AGBL4: variants seen among roughly 807,000 people sequenced by gnomAD.
AGBL4 encodes AGBL carboxypeptidase 4, also known as cytosolic carboxypeptidase 6.
A neutral mutation model predicts 66.4 loss-of-function variants in AGBL4; 58 were observed. The observed-to-expected ratio is 0.87, with a 90% CI of 0.71 to 1.09. The LOEUF (loss-of-function observed/expected upper bound fraction) is 1.09, where lower values mean the gene tolerates loss of function less well. Ranked by LOEUF, AGBL4 falls within the 50% of genes least tolerant of loss-of-function variation. The pLI is 0.00. For missense variants in AGBL4, 579 were observed against 631.0 expected (o/e 0.92, Z 0.88); for synonymous variants, 234 against 222.9 (o/e 1.05, Z -0.44).
intron 1 of AGBL4, among the ~76,000 whole-genome samples, chr1:49,949,968 AT>A (rs1299468786): frequency 2.7e-5 from 4 of 147,176 alleles, no homozygotes; most frequent in African/African-American, 9.9e-5. Context: ...CCATATATAT[AT>A]ATATACACAC....
At chr1:48,575,667 T>C (rs554375627) in intron 11 of AGBL4, among the ~76,000 whole-genome samples, 18 of 152,310 alleles carry the variant, frequency 1.2e-4, no homozygotes, top group Non-Finnish European at 2.4e-4. Context: ...CTTTGCTCCC[T>C]TCTCATCCTT....
intron 1 of AGBL4, among the ~76,000 whole-genome samples, chr1:49,860,614 A>T (rs1571733847): frequency 6.6e-6 from 1 of 152,008 alleles, no homozygotes; most frequent in Non-Finnish European, 1.5e-5. Flanking sequence ...TGGAAGAATC[A>T]CCTCAGCCCA....
intron 3 of AGBL4, among the ~76,000 whole-genome samples, chr1:49,438,827 TG>T (rs977401949): frequency 4.6e-5 from 7 of 152,156 alleles, no homozygotes; most frequent in African/African-American, 1.7e-4. Context: ...CTGAGTAATT[TG>T]CAATAAACAG....
intron 3 of AGBL4, among the ~76,000 whole-genome samples, chr1:49,379,590 C>G (rs7537888): frequency 0.015 from 2,303 of 151,810 alleles, 69 homozygotes; most frequent in African/African-American, 0.053. Flanking sequence ...TAGCATGAAG[C>G]GTTGTTGAAT....
chr1:48,779,079 A>G (rs556211608), intron 6 of AGBL4, among the ~76,000 whole-genome samples: 4 of 152,320 alleles, frequency 2.6e-5, no homozygotes, highest in East Asian at 3.9e-4. Context: ...ATACATTCCT[A>G]TGGTGGTCAA....
intron 3 of AGBL4, among the ~76,000 whole-genome samples, chr1:49,688,725 C>G (rs1004486187): frequency 1.3e-5 from 2 of 152,052 alleles, no homozygotes; most frequent in African/African-American, 4.8e-5. Flanking sequence ...TCCATATCCT[C>G]GCCAGCATTT....
chr1:49,806,228 T>A (rs1232561326), intron 2 of AGBL4, among the ~76,000 whole-genome samples: 1 of 152,194 alleles, frequency 6.6e-6, no homozygotes, highest in Non-Finnish European at 1.5e-5. Context: ...GGTAGAAATA[T>A]GGATGGCAAA....
At position 48,967,003 on chromosome 1, in the gene AGBL4, T is replaced by C. The variant is rs138749419; in HGVS notation, c.594+78581A>G. 2.2e-3 allele frequency among the ~76,000 whole-genome samples: 341 copies of C among 151,796 alleles called. 2 individuals are homozygous for C. The highest frequency in any genetic ancestry group is 8.0e-3 in the African/African-American group (331 of 41,310). On this transcript the variant is annotated intron_variant, in intron 5 of 13. Transcript: ENST00000371839. The stretch of plus-strand genomic sequence containing the variant: ...AGGGTGGGTCTCAAAAAGAGAGCCA[T>C]ATTGTAGTGTTCGGTTTACATTTTT...
intron 1 of AGBL4, among the ~76,000 whole-genome samples, chr1:49,864,942 G>A (rs1041274179): frequency 1.3e-5 from 2 of 152,126 alleles, no homozygotes; most frequent in African/African-American, 4.8e-5. Context: ...GGGCAAATTG[G>A]ACCCAGGAGG....
intron 3 of AGBL4, among the ~76,000 whole-genome samples, chr1:49,518,870 T>C (rs1035142178): frequency 3.3e-5 from 5 of 152,090 alleles, no homozygotes; most frequent in Non-Finnish European, 7.4e-5. Flanking sequence ...TACAGATCAT[T>C]TGGAGATTCA....
chr1:49,891,974 C>T (rs1234626740), intron 1 of AGBL4, among the ~76,000 whole-genome samples: 3 of 152,096 alleles, frequency 2.0e-5, no homozygotes, highest in Non-Finnish European at 2.9e-5. Flanking sequence ...CTGGATAAGA[C>T]GGCAGCTGAG....
At chr1:49,673,093 T>C (rs1646513360) in intron 3 of AGBL4, among the ~76,000 whole-genome samples, 1 of 152,148 alleles carries the variant, frequency 6.6e-6, no homozygotes, top group South Asian at 2.1e-4. Context: ...CACATGAAAC[T>C]AATAATTCAT....
rs576868082 is a variant in AGBL4 at position 48,943,442 on chromosome 1, A to G, written c.595-76212T>C. On this transcript the variant is annotated intron_variant, in intron 5 of 13. Transcript: ENST00000371839. The stretch of plus-strand genomic sequence containing the variant: ...AAGGTTGAGATCTTTCAAGACTACA[A>G]TGGCTATTTAAAGGTATTTCAGTTA... Among the ~76,000 whole-genome samples the G allele has an allele frequency of 1.4e-4, 22 of 152,300 alleles. No individual in the cohort carries two copies. The South Asian group carries it at 4.1e-3, about 29-fold the overall frequency.
At chr1:49,167,371 A>G (rs1269528259) in intron 4 of AGBL4, among the ~76,000 whole-genome samples, 2 of 152,124 alleles carry the variant, frequency 1.3e-5, no homozygotes, top group Non-Finnish European at 2.9e-5. Flanking sequence ...CTACTTCTCT[A>G]TCTGACAGAA....
intron 3 of AGBL4, among the ~76,000 whole-genome samples, chr1:49,661,727 T>C (rs1646273341): frequency 6.6e-6 from 1 of 152,156 alleles, no homozygotes; most frequent in Admixed American, 6.6e-5. Context: ...TTGTACACTG[T>C]TGGTGGGAAT....
At chr1:49,856,894 G>A (rs1646447542) in intron 1 of AGBL4, among the ~76,000 whole-genome samples, 1 of 151,828 alleles carries the variant, frequency 6.6e-6, no homozygotes, top group Non-Finnish European at 1.5e-5. Flanking sequence ...TAGGCAAGAG[G>A]GGAAAAGAGA....
chr1:48,657,990 T>A (rs72901150), intron 7 of AGBL4, among the ~76,000 whole-genome samples: 1,932 of 152,304 alleles, frequency 0.013, 18 homozygotes, highest in African/African-American at 0.022. Context: ...CCTAGCTCAG[T>A]GCTTGGCACA....
At chr1:49,259,534 C>T (rs1652901523) in intron 3 of AGBL4, among the ~76,000 whole-genome samples, 1 of 146,228 alleles carries the variant, frequency 6.8e-6, no homozygotes, top group African/African-American at 2.5e-5. Context: ...AGACTTTAAA[C>T]CAACAAAGAT....
At chr1:49,851,626 C>G in intron 1 of AGBL4, 108 bp from the exon 2 acceptor site, 1 of 1,151,348 alleles carries the variant, frequency 8.7e-7, no homozygotes, top group Admixed American at 3.0e-5. Flanking sequence ...TTAACCCAAG[C>G]AAAAAGAAGT....
Sources: gnomAD v4.1 joint callset for allele counts (sites outside exome capture counted in the v4.1 genomes callset) on GRCh38, gnomAD v4.1.1 for gene constraint, MANE v1.5 for transcripts, NCBI Gene and HGNC (gene_info 2026-07-23, HGNC 2026-07-21) for gene names.